The following GSAP variants were observed in gnomAD, a reference collection of about 807,000 sequenced individuals.
The protein encoded by GSAP is gamma-secretase activating protein, also known as gamma-secretase-activating protein.
GSAP carries 118 observed loss-of-function variants against 131.7 expected under a neutral mutation model. That is an observed-to-expected ratio of 0.90 (90% CI 0.77 to 1.04). The LOEUF (loss-of-function observed/expected upper bound fraction) is 1.04. Ranked by LOEUF, GSAP falls within the 50% of genes least tolerant of loss-of-function variation. GSAP has a pLI of 0.00. For synonymous variants in GSAP, 381 were observed against 363.4 expected (o/e 1.05, Z -0.55); for missense variants, 1,019 against 1,013.2 (o/e 1.01, Z -0.08).
At chr7:77,402,231 T>A (rs1801432205) in intron 3 of GSAP, among the ~76,000 whole-genome samples, 1 of 151,524 alleles carries the variant, frequency 6.6e-6, no homozygotes, top group African/African-American at 2.4e-5. Flanking sequence ...GGTGGCACCT[T>A]TCCAAGGAAA....
chr7:77,388,619 G>C (rs1215308052), intron 5 of GSAP, among the ~76,000 whole-genome samples: 1 of 152,142 alleles, frequency 6.6e-6, no homozygotes, highest in Non-Finnish European at 1.5e-5. Flanking sequence ...CTTTTATTGA[G>C]ACTCTAATAT....
intron 5 of GSAP, among the ~76,000 whole-genome samples, chr7:77,387,920 C>T (rs999943875): frequency 2.6e-5 from 4 of 152,218 alleles, no homozygotes; most frequent in African/African-American, 9.6e-5. Context: ...TATTACTTTG[C>T]ACTCTCACCA....
At chr7:77,384,577 C>T (rs971561925) in intron 6 of GSAP, among the ~76,000 whole-genome samples, 3 of 151,856 alleles carry the variant, frequency 2.0e-5, no homozygotes, top group African/African-American at 4.8e-5. Flanking sequence ...TCTGTAGTCT[C>T]GGTGTGTAGA....
intron 5 of GSAP, among the ~76,000 whole-genome samples, chr7:77,394,972 T>G (rs1312086145): frequency 6.6e-6 from 1 of 152,202 alleles, no homozygotes; most frequent in Non-Finnish European, 1.5e-5. Flanking sequence ...ATAACGTTCA[T>G]TGCACTGTTT....
In GSAP at chr7:77,354,516, A is replaced by T. The variant is rs116781544; in HGVS notation, c.1338+697T>A. On this transcript the variant is annotated intron_variant, in intron 16 of 30. Transcript: ENST00000257626. ...TATATCCTTAGAAATAAAAATTTTT[A>T]AAAAGTAACAGGAAGTTAGAGGTAA... Among the ~76,000 whole-genome samples, 1,465 of 152,274 alleles carry T rather than the reference A, an allele frequency of 9.6e-3. 30 individuals carry two copies. Among genetic ancestry groups the T allele is most frequent in the African/African-American group, 0.034 (1,413 of 41,544 alleles).
Position 77,396,225 on chromosome 7 carries a change from AAT to A in GSAP, c.367+755_367+756del, listed in dbSNP as rs560510672. ...TTTTTTTTTTTCGTTAAAGAAAAAA[AAT>A]ATTTCTTGGTTTCTATGTTAAAAAT... On this transcript the variant is annotated intron_variant, in intron 5 of 30. Coordinates refer to ENST00000257626, the MANE Select transcript of GSAP (RefSeq NM_017439.4). 7.5e-3 allele frequency among the ~76,000 whole-genome samples: 1,136 copies of A among 152,238 alleles called. 8 individuals are homozygous for A. Among genetic ancestry groups the A allele is most frequent in the Non-Finnish European group, 0.01 (696 of 68,018 alleles).
chr7:77,412,034 CT>C lies in GSAP; in HGVS notation c.109+4178del, dbSNP rs150532641. Among the ~76,000 whole-genome samples, 510 of 152,278 alleles carry C rather than the reference CT, an allele frequency of 3.3e-3. 4 individuals are homozygous for C. The highest frequency in any genetic ancestry group is 0.012 in the African/African-American group (494 of 41,546). ...TCTCTACTAAAAATATAAAAATTAG[CT>C]GGGCGTGGCAGCATATGCCCGTAAT... On this transcript the variant is annotated intron_variant, in intron 1 of 30. Coordinates refer to ENST00000257626, the MANE Select transcript of GSAP (RefSeq NM_017439.4).
At chr7:77,395,170 TAGAC>T (rs66735155) in intron 5 of GSAP, among the ~76,000 whole-genome samples, 18,310 of 152,042 alleles carry the variant, frequency 0.12, 1,570 homozygotes, top group East Asian at 0.4. Flanking sequence ...TGGTGAACAA[TAGAC>T]AGATGTAAAA....
chr7:77,349,427 C>A (rs751898331), intron 18 of GSAP, 23 bp from the exon 19 acceptor site: 1 of 1,603,514 alleles, frequency 6.2e-7, no homozygotes. Context: ...AAAACACACA[C>A]ACACAGCTGC....
chr7:77,393,055 C>T lies in GSAP; in HGVS notation c.367+3927G>A, dbSNP rs1799830548. Among the ~76,000 whole-genome samples the T allele has an allele frequency of 2.0e-5, 3 of 151,370 alleles. 1 individual carries two copies. The South Asian group carries it at 6.3e-4, about 32-fold the overall frequency. On this transcript the variant is annotated intron_variant, in intron 5 of 30. Coordinates refer to ENST00000257626, the MANE Select transcript of GSAP (RefSeq NM_017439.4). ...CCATCTCTACAGCCAAGAAAAGGAG[C>T]ATTACTGATTAAAAAAAGAAAAAAA... is the stretch of plus-strand genomic sequence containing the variant.
At chr7:77,366,812 T>C (rs1001463783) in intron 12 of GSAP, among the ~76,000 whole-genome samples, 2 of 152,214 alleles carry the variant, frequency 1.3e-5, no homozygotes, top group African/African-American at 4.8e-5. Flanking sequence ...TACACTGCTT[T>C]GGGCAGTATG....
Position 77,396,988 on chromosome 7 carries a change from G to T in GSAP, c.361C>A (p.Gln121Lys). The T allele has an allele frequency of 1.3e-6, 2 of 1,592,350 alleles. No homozygotes were observed. The highest frequency in any genetic ancestry group is 1.7e-6 in the Non-Finnish European group (2 of 1,163,486). The change falls in exon 5 of 31, where the codon CAA becomes AAA. Residue 121 changes from glutamine (Q) to lysine (K), a missense_variant. Transcript: ENST00000257626. ...AAAAGTGTAATTTCATTACCTGGTT[G>T]AAGTTCGTTCCTTTTTCCTTCTTTA... ...STKEGKRNEL[Q>K]PGSKCLTLLV...
At chr7:77,396,946 T>A (rs750915312) in intron 5 of GSAP, 36 bp downstream of exon 5, 1 of 1,220,642 alleles carries the variant, frequency 8.2e-7, no homozygotes, top group Non-Finnish European at 1.2e-6. Flanking sequence ...ATAACCTTCA[T>A]CTACCCATAG....
intron 12 of GSAP, among the ~76,000 whole-genome samples, chr7:77,365,605 TACC>T (rs1458575012): frequency 3.9e-5 from 6 of 152,358 alleles, no homozygotes; most frequent in Middle Eastern, 3.4e-3. Context: ...GGTATGTATG[TACC>T]ACATTTTCTT....
In GSAP at chr7:77,387,358, A is replaced by T; in HGVS notation, c.456+2T>A. The T allele has an allele frequency of 6.7e-7, 1 of 1,488,228 alleles. No homozygotes were observed. Among genetic ancestry groups the T allele is most frequent in the Non-Finnish European group, 9.4e-7 (1 of 1,065,148 alleles). The allele number at this position is 1,488,228 out of a possible 1,614,324, so 92.2% of individuals were successfully genotyped here. A position where few individuals can be genotyped will look rare whatever the true frequency, so the allele number is the denominator to read the frequency against. On this transcript the variant is annotated splice_donor_variant, in intron 6 of 30. Transcript: ENST00000257626. LOFTEE classifies it high-confidence loss of function. ...TAAGTGATAAATGGCATGCTTACTT[A>T]CCTGAACCCAAATATAGCTATCCAC...
chr7:77,342,099 G>A (rs1791025342), intron 19 of GSAP, among the ~76,000 whole-genome samples: 1 of 152,152 alleles, frequency 6.6e-6, no homozygotes, highest in Admixed American at 6.5e-5. Flanking sequence ...CACTCCCAGA[G>A]CCCCTGGAAC....
Position 77,311,237 on chromosome 7 carries a change from A to G in GSAP, c.*121T>C, listed in dbSNP as rs1431472885. 1.5e-6 allele frequency: 1 copy of G among 684,354 alleles called. No homozygotes were observed. Among genetic ancestry groups the G allele is most frequent in the Non-Finnish European group, 2.6e-6 (1 of 389,578 alleles). The allele number at this position is 684,354 out of a possible 1,614,324, so 42.4% of individuals were successfully genotyped here. A position where few individuals can be genotyped will look rare whatever the true frequency, so the allele number is the denominator to read the frequency against. On this transcript the variant is annotated 3_prime_UTR_variant, in exon 31 of 31. Coordinates refer to ENST00000257626, the MANE Select transcript of GSAP (RefSeq NM_017439.4). ...GTACCAACCTGAAACTCACATGGCT[A>G]AACAATTATGGCTAAACTATTTTTG...
chr7:77,335,859 T>C (rs776157535), intron 19 of GSAP, among the ~76,000 whole-genome samples: 1 of 152,218 alleles, frequency 6.6e-6, no homozygotes, highest in African/African-American at 2.4e-5. Context: ...CTTCAGTGGA[T>C]TCCATCTCAG....
At chr7:77,401,751 T>C (rs1285766809) in intron 3 of GSAP, among the ~76,000 whole-genome samples, 1 of 152,188 alleles carries the variant, frequency 6.6e-6, no homozygotes, top group African/African-American at 2.4e-5. Flanking sequence ...AAGTATAACA[T>C]TGCCTGATGA....
Sources: allele counts gnomAD v4.1 joint callset (sites outside exome capture counted in the v4.1 genomes callset), GRCh38; gene constraint gnomAD v4.1.1; transcripts MANE v1.5; gene names NCBI Gene and HGNC (gene_info 2026-07-23, HGNC 2026-07-21).